MRPL30: variants seen among roughly 807,000 people sequenced by gnomAD.
The protein encoded by MRPL30 is large ribosomal subunit protein uL30m.
A neutral mutation model predicts 17.2 loss-of-function variants in MRPL30; 10 were observed. The observed-to-expected ratio is 0.58, with a 90% CI of 0.36 to 0.99. The LOEUF (loss-of-function observed/expected upper bound fraction) is 0.99, where lower values mean the gene tolerates loss of function less well. Among genes scored for constraint, MRPL30 ranks in the 50% least tolerant of loss-of-function variants. The pLI, the probability that MRPL30 is intolerant of heterozygous loss-of-function variation, is 0.01. For missense variants in MRPL30, 170 were observed against 189.8 expected, an observed-to-expected ratio of 0.90 and a Z score of 0.61; for synonymous variants, 61 against 62.1, an observed-to-expected ratio of 0.98 and a Z score of 0.08.
At chr2:99,183,644 A>G (rs1039566994) in intron 1 of MRPL30, among the ~76,000 whole-genome samples, 1 of 152,200 alleles carries the variant, frequency 6.6e-6, no homozygotes, top group African/African-American at 2.4e-5. Context: ...TTCATAAATA[A>G]ACTTTATTTT....
At chr2:99,182,558 AAAAT>A (rs2093926455) in intron 1 of MRPL30, among the ~76,000 whole-genome samples, 1 of 152,264 alleles carries the variant, frequency 6.6e-6, no homozygotes, top group East Asian at 1.9e-4. Context: ...CCGTCTCAAA[AAAAT>A]AAATAAGATA....
At chr2:99,188,321 CG>C (rs2105244426) in intron 3 of MRPL30, 64 bp downstream of exon 3, 1 of 1,230,088 alleles carries the variant, frequency 8.1e-7, no homozygotes, top group Admixed American at 2.5e-5. Context: ...AAGTGGTACC[CG>C]TTTTTGTAAT....
At chr2:99,184,241 C>G (rs1228883891) in intron 1 of MRPL30, among the ~76,000 whole-genome samples, 1 of 152,178 alleles carries the variant, frequency 6.6e-6, no homozygotes. Flanking sequence ...TCTAGCATTA[C>G]AAAGTGCTCC....
In MRPL30 at chr2:99,194,847, A is replaced by G. The variant is rs776293885; in HGVS notation, c.229A>G (p.Arg77Gly). Residue 77 changes from arginine (R) to glycine (G), a missense_variant, in exon 4 of 6, where the codon AGA (arginine) becomes GGA (glycine). By Grantham distance (125) the Arg-to-Gly change is moderately radical (BLOSUM62 -2). Coordinates refer to ENST00000338148, the MANE Select transcript of MRPL30 (RefSeq NM_145212.4). ...TGTTACCAGAATAAAAAGTACAAGA[A>G]GACGTCCATATTGGGAAAAAGATAT... The part of the protein sequence containing the change: ...HIVTRIKSTR[R>G]RPYWEKDIIK... The G allele has an allele frequency of 7.4e-5, 117 of 1,591,700 alleles. No individual in the cohort carries two copies. The East Asian group carries it at 2.6e-3, about 35-fold the overall frequency.
chr2:99,192,849 C>A (rs566476923), intron 3 of MRPL30, among the ~76,000 whole-genome samples: 2 of 152,286 alleles, frequency 1.3e-5, no homozygotes, highest in South Asian at 4.1e-4. Context: ...TACATTCCCA[C>A]CAATAGTGCA....
At chr2:99,194,929 GT>G (rs2093952745) in intron 4 of MRPL30, 32 bp downstream of exon 4, 2 of 1,516,312 alleles carry the variant, frequency 1.3e-6, no homozygotes. Flanking sequence ...CTTTAGTGTT[GT>G]TTACATTGCT....
intron 3 of MRPL30, among the ~76,000 whole-genome samples, chr2:99,193,578 GTACAGATGATGCACAT>G (rs1234858017): frequency 6.6e-6 from 1 of 152,054 alleles, no homozygotes; most frequent in African/African-American, 2.4e-5. Flanking sequence ...CATGTATTTG[GTACAGATGATGCACAT>G]AACAGCTTAC....
chr2:99,194,967 C>T (rs765502358), intron 4 of MRPL30, 70 bp downstream of exon 4: 19 of 1,395,740 alleles, frequency 1.4e-5, no homozygotes, highest in Admixed American at 2.6e-5. Flanking sequence ...TAAAACTTTG[C>T]GGTATACATT....
chr2:99,187,827 C>CAAA (rs1045956887), intron 2 of MRPL30, among the ~76,000 whole-genome samples: 2 of 130,994 alleles, frequency 1.5e-5, no homozygotes. Context: ...GACTCCGTCT[C>CAAA]AAAAAAAAAA....
At chr2:99,187,700 C>T (rs1283152280) in intron 2 of MRPL30, among the ~76,000 whole-genome samples, 1 of 151,964 alleles carries the variant, frequency 6.6e-6, no homozygotes, top group Admixed American at 6.6e-5. Flanking sequence ...TGGTGGTGGG[C>T]GCCTGTAGTC....
At chr2:99,185,841 T>G (rs2093933031) in intron 1 of MRPL30, 2 of 417,992 alleles carry the variant, frequency 4.8e-6, no homozygotes. Context: ...CTTCAGTCCC[T>G]TCTAGCTCTT....
intron 3 of MRPL30, 38 bp from the exon 4 acceptor site, chr2:99,194,713 A>C: frequency 6.5e-7 from 1 of 1,549,266 alleles, no homozygotes; most frequent in African/African-American, 1.4e-5. Flanking sequence ...AAACTGTGTA[A>C]GTTGGAAATT....
At chr2:99,191,060 G>A (rs529428334) in intron 3 of MRPL30, among the ~76,000 whole-genome samples, 1 of 150,872 alleles carries the variant, frequency 6.6e-6, no homozygotes, top group Admixed American at 6.6e-5. Flanking sequence ...AGGCTGGAGT[G>A]TGGTGGCGTG....
At chr2:99,195,488 G>A (rs941879555) in intron 5 of MRPL30, 85 bp from the exon 6 acceptor site, 15 of 1,420,556 alleles carry the variant, frequency 1.1e-5, no homozygotes, top group Non-Finnish European at 9.5e-7. Context: ...GAAACTATGT[G>A]TTATTGTTAA....
At chr2:99,193,565 A>T (rs1182842292) in intron 3 of MRPL30, among the ~76,000 whole-genome samples, 1 of 152,092 alleles carries the variant, frequency 6.6e-6, no homozygotes. Flanking sequence ...ACATATGCAC[A>T]CTCATGTATT....
chr2:99,191,988 A>G (rs2093947180), intron 3 of MRPL30, among the ~76,000 whole-genome samples: 1 of 151,790 alleles, frequency 6.6e-6, no homozygotes, highest in African/African-American at 2.4e-5. Context: ...CATCCTTCTC[A>G]TCCTAATCTC....
intron 3 of MRPL30, among the ~76,000 whole-genome samples, chr2:99,188,908 C>T (rs1361633204): frequency 6.6e-6 from 1 of 152,174 alleles, no homozygotes; most frequent in East Asian, 1.9e-4. Flanking sequence ...ATCATGTTGC[C>T]CAGGCTGGTC....
rs1381146259 is a variant in MRPL30 at position 99,199,537 on chromosome 2, A to C, written c.*3832A>C. Among the ~76,000 whole-genome samples, 1 of 152,234 alleles carries C rather than the reference A, an allele frequency of 6.6e-6. No homozygotes were observed. Among genetic ancestry groups the C allele is most frequent in the East Asian group, 1.9e-4 (1 of 5,198 alleles). ...CATGAAATAAGTGCTCAAGAAGAAA[A>C]ATAAACAATTCTTCATTTCCTGTTC... On this transcript the variant is annotated 3_prime_UTR_variant, in exon 6 of 6. Transcript: ENST00000338148.
At position 99,194,764 on chromosome 2, in the gene MRPL30, C is replaced by T; in HGVS notation, c.146C>T (p.Ser49Leu). Residue 49 changes from serine to leucine, a missense_variant, in exon 4 of 6, where the codon TCA becomes TTA. Ser to Leu is a moderately radical substitution (Grantham distance 145). Transcript: ENST00000338148. ...TTTCCTTTCTAGGTGTTTCAGGCCT[C>T]ACCTGAAGATCATGAAAAATACGGT... ...SRIPEKVFQA[S>L]PEDHEKYGGD... 6.3e-7 allele frequency: 1 copy of T among 1,583,472 alleles called. No individual in the cohort carries two copies.
Sources: allele counts gnomAD v4.1 joint callset (sites outside exome capture counted in the v4.1 genomes callset), GRCh38; gene constraint gnomAD v4.1.1; transcripts MANE v1.5; gene names NCBI Gene and HGNC (gene_info 2026-07-23, HGNC 2026-07-21).